SIPA1L1: variants seen among roughly 807,000 people sequenced by gnomAD.
SIPA1L1 encodes the protein signal induced proliferation associated 1 like 1.
SIPA1L1 carries 26 observed loss-of-function variants against 162.7 expected under a neutral mutation model. That is an observed-to-expected ratio of 0.16 (90% CI 0.12 to 0.22). SIPA1L1 has a LOEUF of 0.22. Among genes scored for constraint, SIPA1L1 ranks in the 10% least tolerant of loss-of-function variants. The pLI, the probability that SIPA1L1 is intolerant of heterozygous loss-of-function variation, is 1.00. For synonymous variants in SIPA1L1, 829 were observed against 837.4 expected (o/e 0.99, Z 0.17); for missense variants, 1,874 against 2,241.0 (o/e 0.84, Z 3.31).
intron 2 of SIPA1L1, chr14:71,330,587 A>G (rs1423773460): frequency 1.9e-5 from 21 of 1,092,732 alleles, no homozygotes; most frequent in Middle Eastern, 4.5e-4. Flanking sequence ...TTAAATCCCA[A>G]CTGAGCTTCA....
At chr14:71,686,536 TTTTTTTCTTTC>T (rs1208042762) in intron 13 of SIPA1L1, among the ~76,000 whole-genome samples, 6 of 152,144 alleles carry the variant, frequency 3.9e-5, no homozygotes, top group Non-Finnish European at 8.8e-5. Flanking sequence ...ATCAACTTCT[TTTTTTTCTTTC>T]TTTTTTCTTT....
At chr14:71,461,271 C>T (rs2046582527) in intron 2 of SIPA1L1, among the ~76,000 whole-genome samples, 1 of 146,248 alleles carries the variant, frequency 6.8e-6, no homozygotes, top group Non-Finnish European at 1.6e-5. Context: ...GTGTTGGTCT[C>T]TGCAGCTGGC....
chr14:71,630,391 G>T (rs1191253740), intron 7 of SIPA1L1, among the ~76,000 whole-genome samples: 1 of 152,194 alleles, frequency 6.6e-6, no homozygotes, highest in Non-Finnish European at 1.5e-5. Flanking sequence ...AGAAGATTTT[G>T]TGATTAATGG....
intron 2 of SIPA1L1, among the ~76,000 whole-genome samples, chr14:71,361,065 G>A (rs979453892): frequency 1.3e-5 from 2 of 152,120 alleles, no homozygotes. Flanking sequence ...GAGAAAGACA[G>A]CAAACCTCAC....
chr14:71,722,479 A>C (rs964424520), intron 17 of SIPA1L1, among the ~76,000 whole-genome samples: 1 of 152,230 alleles, frequency 6.6e-6, no homozygotes, highest in Non-Finnish European at 1.5e-5. Flanking sequence ...AAATAACTGA[A>C]AGTCTGTTGT....
intron 2 of SIPA1L1, among the ~76,000 whole-genome samples, chr14:71,499,051 A>G (rs530938274): frequency 2.6e-5 from 4 of 152,378 alleles, no homozygotes; most frequent in African/African-American, 7.2e-5. Context: ...AAGAAAAAGT[A>G]TATTCCTCAA....
intron 4 of SIPA1L1, among the ~76,000 whole-genome samples, chr14:71,567,373 G>A (rs186744852): frequency 6.6e-6 from 1 of 152,168 alleles, no homozygotes; most frequent in East Asian, 1.9e-4. Flanking sequence ...ACAAATTCTG[G>A]TGTATGCAAA....
chr14:71,734,083 TC>T (rs1006257011), intron 21 of SIPA1L1, among the ~76,000 whole-genome samples: 1 of 152,236 alleles, frequency 6.6e-6, no homozygotes, highest in Non-Finnish European at 1.5e-5. Context: ...GGTAGAGGAA[TC>T]CCAGCTGTCC....
intron 2 of SIPA1L1, among the ~76,000 whole-genome samples, chr14:71,480,655 G>C (rs1430980662): frequency 6.6e-6 from 1 of 151,792 alleles, no homozygotes. Context: ...CCAGCTACTC[G>C]GGATGCTGAG....
At chr14:71,406,240 GA>G (rs1392648756) in intron 2 of SIPA1L1, among the ~76,000 whole-genome samples, 1 of 152,170 alleles carries the variant, frequency 6.6e-6, no homozygotes, top group African/African-American at 2.4e-5. Flanking sequence ...CCTCAAAAAT[GA>G]AGATAACTAA....
chr14:71,493,000 A>G (rs1234903392), intron 2 of SIPA1L1, among the ~76,000 whole-genome samples: 1 of 152,072 alleles, frequency 6.6e-6, no homozygotes, highest in Non-Finnish European at 1.5e-5. Context: ...TCTTTTACTT[A>G]TGTAACTGTT....
intron 20 of SIPA1L1, 136 bp from the exon 21 acceptor site, chr14:71,733,530 C>A: frequency 1.1e-6 from 1 of 889,080 alleles, no homozygotes. Context: ...AGAATAGCCA[C>A]TAACAGCCTG....
intron 5 of SIPA1L1, among the ~76,000 whole-genome samples, chr14:71,612,402 G>A (rs1022288386): frequency 2.0e-5 from 3 of 151,856 alleles, no homozygotes; most frequent in African/African-American, 4.8e-5. Flanking sequence ...AGTTTTATTT[G>A]CTTTGTGTTT....
chr14:71,599,339 G>A (rs1035545960), intron 5 of SIPA1L1, among the ~76,000 whole-genome samples: 2 of 151,320 alleles, frequency 1.3e-5, no homozygotes, highest in Admixed American at 6.6e-5. Flanking sequence ...TAGTAGAGAC[G>A]GGGTTTCTCC....
chr14:71,339,606 C>T (rs576616499), intron 2 of SIPA1L1, among the ~76,000 whole-genome samples: 57 of 152,100 alleles, frequency 3.7e-4, no homozygotes, highest in African/African-American at 1.3e-3. Flanking sequence ...TCAGGTAATC[C>T]GCCTGCCTCA....
At chr14:71,514,627 C>T (rs1473116261) in intron 3 of SIPA1L1, among the ~76,000 whole-genome samples, 13 of 152,080 alleles carry the variant, frequency 8.5e-5, no homozygotes, top group Non-Finnish European at 1.6e-4. Flanking sequence ...AGTGTGGGGG[C>T]CCAGTCCTGC....
At position 71,685,705 on chromosome 14, in the gene SIPA1L1, G is replaced by A. The variant is rs921376503; in HGVS notation, c.3374+74G>A. 7 of 1,529,938 alleles carry A rather than the reference G, an allele frequency of 4.6e-6. No homozygotes were observed. In the Admixed American group the frequency reaches 1.4e-4, roughly 31 times the overall value. 94.8% of individuals were successfully genotyped at this position (1,529,938 alleles called of 1,614,324 possible). The stretch of plus-strand genomic sequence containing the variant: ...AAGTAACACAGACCCATAAGCACTA[G>A]TTTTAGGCCTTCTCATATTTTACTA... On this transcript the variant is annotated intron_variant, in intron 13 of 23. Transcript: ENST00000381232.
chr14:71,426,798 T>C (rs1389208288), intron 2 of SIPA1L1, among the ~76,000 whole-genome samples: 1 of 152,138 alleles, frequency 6.6e-6, no homozygotes, highest in Non-Finnish European at 1.5e-5. Context: ...AGCCTGAATT[T>C]ATACCAGCTT....
chr14:71,500,534 C>CT (rs776621091), intron 2 of SIPA1L1, among the ~76,000 whole-genome samples: 1 of 152,174 alleles, frequency 6.6e-6, no homozygotes, highest in Non-Finnish European at 1.5e-5. Context: ...TAAATTGCAA[C>CT]TTATACACCC....
Sources: allele counts gnomAD v4.1 joint callset (sites outside exome capture counted in the v4.1 genomes callset), GRCh38; gene constraint gnomAD v4.1.1; transcripts MANE v1.5; gene names NCBI Gene and HGNC (gene_info 2026-07-23, HGNC 2026-07-21).